IFT140: variants seen among roughly 807,000 people sequenced by gnomAD.
The protein encoded by IFT140 is intraflagellar transport protein 140 homolog.
In IFT140, 133 loss-of-function variants were observed where a neutral mutation model predicts 164.6. That is an observed-to-expected ratio of 0.81 (90% CI 0.70 to 0.93). The LOEUF is 0.93. Ranked by LOEUF, IFT140 falls within the 40% of genes least tolerant of loss-of-function variation. IFT140 has a pLI of 0.00. For missense variants in IFT140, 2,045 were observed against 1,972.3 expected, an observed-to-expected ratio of 1.04 and a Z score of -0.70; for synonymous variants, 860 against 817.3, an observed-to-expected ratio of 1.05 and a Z score of -0.89.
chr16:1,557,686 G>C, intron 19 of IFT140: 1 of 521,630 alleles, frequency 1.9e-6, no homozygotes, highest in Middle Eastern at 5.1e-4. Context: ...TTTAGGAACG[G>C]CAGAACTTTC....
At chr16:1,585,895 T>C (rs1285233053) in intron 10 of IFT140, among the ~76,000 whole-genome samples, 3 of 150,956 alleles carry the variant, frequency 2.0e-5, no homozygotes, top group Non-Finnish European at 4.4e-5. Context: ...CGCAGCCTCC[T>C]GAGTAGCTGA....
intron 19 of IFT140, among the ~76,000 whole-genome samples, chr16:1,529,918 A>G (rs919253880): frequency 6.6e-6 from 1 of 152,050 alleles, no homozygotes; most frequent in African/African-American, 2.4e-5. Context: ...CTCAAAAGAA[A>G]CACTGTGTCC....
intron 11 of IFT140, among the ~76,000 whole-genome samples, 153 bp downstream of exon 11, chr16:1,584,064 T>C (rs1200990493): frequency 6.6e-6 from 1 of 152,166 alleles, no homozygotes; most frequent in African/African-American, 2.4e-5. Context: ...TCTTTATGAA[T>C]ATAATGTACA....
chr16:1,546,996 C>G (rs1174989379), intron 19 of IFT140, among the ~76,000 whole-genome samples: 1 of 152,210 alleles, frequency 6.6e-6, no homozygotes, highest in Non-Finnish European at 1.5e-5. Context: ...CTCTCTGCAT[C>G]CGTGTGGGGA....
chr16:1,581,101 C>A (rs772257448), intron 12 of IFT140, among the ~76,000 whole-genome samples: 4 of 152,172 alleles, frequency 2.6e-5, no homozygotes, highest in Non-Finnish European at 4.4e-5. Context: ...GGGCTCTGGG[C>A]TCCCTGCCCT....
Position 1,520,448 on chromosome 16 carries a change from C to T in IFT140, c.3661-105G>A, listed in dbSNP as rs182085540. On this transcript the variant is annotated intron_variant, in intron 27 of 30. Transcript: ENST00000426508. Reference sequence around the variant, plus strand: ...ACAAGAAGAGTGGCTCAGGGCTGCCCGGTAGAGAGAGATCTTAGTGGTTGT... The same window carrying T: ...ACAAGAAGAGTGGCTCAGGGCTGCCTGGTAGAGAGAGATCTTAGTGGTTGT... 2.6e-4 allele frequency: 362 copies of T among 1,374,736 alleles called. No individual in the cohort carries two copies. In the African/African-American group the frequency reaches 4.2e-3, roughly 16 times the overall value. The allele number at this position is 1,374,736 out of a possible 1,614,324, so 85.2% of individuals were successfully genotyped here.
rs2030444843 is a variant in IFT140 at position 1,531,143 on chromosome 16, G to A, written c.2400-4347C>T. On this transcript the variant is annotated intron_variant, in intron 19 of 30. Transcript: ENST00000426508. This position sits in a 1 kb window ranked among gnomAD's most constrained non-coding sequence, Gnocchi z 4.7. ...GCCTCCACTCCGGTGTGGGGTTCTG[G>A]GGTTTGTGCATCTGACATAAATTCC... is the stretch of plus-strand genomic sequence containing the variant. 1 of 152,254 alleles carries A rather than the reference G, an allele frequency of 6.6e-6. No homozygotes were observed. The highest frequency in any genetic ancestry group is 1.5e-5 in the Non-Finnish European group (1 of 68,068). 9.4% of individuals were successfully genotyped at this position (152,254 alleles called of 1,614,324 possible). A position where few individuals can be genotyped will look rare whatever the true frequency, so the allele number is the denominator to read the frequency against.
intron 19 of IFT140, chr16:1,541,662 T>C: frequency 3.2e-6 from 1 of 315,406 alleles, no homozygotes; most frequent in Non-Finnish European, 4.6e-6. Context: ...GTAGGGCCCG[T>C]CCCTGCAGGG....
intron 3 of IFT140, among the ~76,000 whole-genome samples, chr16:1,603,405 G>A (rs190745708): frequency 1.5e-4 from 23 of 152,186 alleles, no homozygotes; most frequent in African/African-American, 5.1e-4. Flanking sequence ...TCTTTCACGC[G>A]TCTACAGTGG....
chr16:1,573,369 C>G (rs1006440902), intron 13 of IFT140, among the ~76,000 whole-genome samples: 1 of 152,138 alleles, frequency 6.6e-6, no homozygotes, highest in Non-Finnish European at 1.5e-5. Flanking sequence ...GGGTTCAGAT[C>G]TGAGCTCAAC....
intron 19 of IFT140, chr16:1,534,464 C>T (rs2030847902): frequency 6.2e-7 from 1 of 1,611,152 alleles, no homozygotes; most frequent in Non-Finnish European, 8.5e-7. Context: ...GCCCTGGGGC[C>T]AGAGCCGGCC....
At chr16:1,600,492 A>C (rs1447433026) in intron 4 of IFT140, among the ~76,000 whole-genome samples, 1 of 152,226 alleles carries the variant, frequency 6.6e-6, no homozygotes, top group Non-Finnish European at 1.5e-5. Flanking sequence ...CACAGGTGCA[A>C]AATGGCAAAA....
chr16:1,535,771 G>A (rs1361070854), intron 19 of IFT140, among the ~76,000 whole-genome samples: 2 of 152,266 alleles, frequency 1.3e-5, no homozygotes, highest in African/African-American at 4.8e-5. Context: ...GCACCGCACA[G>A]CCTGGACTGC....
intron 6 of IFT140, among the ~76,000 whole-genome samples, chr16:1,591,756 A>G (rs2035193709): frequency 6.6e-6 from 1 of 151,926 alleles, no homozygotes; most frequent in Admixed American, 6.6e-5. Context: ...CTGGAGTGAA[A>G]CCCCCTGCCC....
rs371759034 is a variant in IFT140 at position 1,575,399 on chromosome 16, T to TA, written c.1525-3866dup. 4.9e-3 allele frequency among the ~76,000 whole-genome samples: 735 copies of TA among 149,958 alleles called. 9 individuals carry two copies. The highest frequency in any genetic ancestry group is 0.017 in the African/African-American group (704 of 40,576). On this transcript the variant is annotated intron_variant, in intron 13 of 30. Transcript: ENST00000426508. ...GTAAAAAAATAAATAAAAATGAAAA[T>TA]AAAAAAGTAGCCAGGCATGGTGGTG...
chr16:1,528,983 C>CG (rs1463793623), intron 19 of IFT140, among the ~76,000 whole-genome samples: 4 of 152,104 alleles, frequency 2.6e-5, no homozygotes, highest in African/African-American at 9.7e-5. Context: ...GCAATGGCTC[C>CG]GAGATGGTAG....
chr16:1,540,138 G>T (rs1332102570), intron 19 of IFT140, among the ~76,000 whole-genome samples: 1 of 152,202 alleles, frequency 6.6e-6, no homozygotes, highest in Non-Finnish European at 1.5e-5. Context: ...AGACTGAGAC[G>T]ATCCCACACA....
At chr16:1,569,026 A>T (rs2033876326) in intron 14 of IFT140, among the ~76,000 whole-genome samples, 1 of 140,528 alleles carries the variant, frequency 7.1e-6, no homozygotes, top group African/African-American at 2.7e-5. Flanking sequence ...TTTTTTTGAG[A>T]CGGAGTCTCG....
At position 1,525,586 on chromosome 16, in the gene IFT140, T is replaced by C. The variant is rs533022855; in HGVS notation, c.2769-260A>G. Among the ~76,000 whole-genome samples, 5 of 152,200 alleles carry C rather than the reference T, an allele frequency of 3.3e-5. No homozygotes were observed. The East Asian group carries it at 9.7e-4, about 29-fold the overall frequency. On this transcript the variant is annotated intron_variant, in intron 21 of 30. Coordinates refer to ENST00000426508, the MANE Select transcript of IFT140 (RefSeq NM_014714.4). Reference sequence around the variant, plus strand: ...AGAGCAGCTCCTCCTCTGGAGAGGGTGACATGGGGTTTGTCTGTCCTCAGG... The same window carrying C: ...AGAGCAGCTCCTCCTCTGGAGAGGGCGACATGGGGTTTGTCTGTCCTCAGG...
Sources: gnomAD v4.1 joint callset for allele counts (sites outside exome capture counted in the v4.1 genomes callset) on GRCh38, gnomAD v4.1.1 for gene constraint, Gnocchi (gnomAD v3.1) non-coding constraint, MANE v1.5 for transcripts, NCBI Gene and HGNC (gene_info 2026-07-23, HGNC 2026-07-21) for gene names.